Variants in ANAPC4 observed in about 807,000 individuals in gnomAD.
ANAPC4 encodes anaphase-promoting complex subunit 4.
In ANAPC4, 63 loss-of-function variants were observed where a neutral mutation model predicts 119.8. That is an observed-to-expected ratio of 0.53 (90% CI 0.43 to 0.65). ANAPC4 has a LOEUF of 0.65. Ranked by LOEUF, ANAPC4 falls within the 30% of genes least tolerant of loss-of-function variation. The probability of loss-of-function intolerance (pLI) is 0.00; values close to 1 mark genes in which losing one functional copy is unlikely to be tolerated. For synonymous variants in ANAPC4, 283 were observed against 318.6 expected (o/e 0.89, Z 1.19); for missense variants, 716 against 945.1 (o/e 0.76, Z 3.18).
chr4:25,418,387 G>GC lies in ANAPC4; in HGVS notation c.*6dup. On this transcript the variant is annotated 3_prime_UTR_variant, in exon 29 of 29. Coordinates refer to ENST00000315368, the MANE Select transcript of ANAPC4 (RefSeq NM_013367.3). ...GACCCTGAGCTAGACTCCTAATCTA[G>GC]CTTGCCATTATTGTGTGTGTAATTA... 6.2e-7 allele frequency: 1 copy of GC among 1,613,510 alleles called. No individual in the cohort carries two copies. Among genetic ancestry groups the GC allele is most frequent in the Non-Finnish European group, 8.5e-7 (1 of 1,179,620 alleles).
chr4:25,383,033 G>A (rs991828032), intron 3 of ANAPC4, among the ~76,000 whole-genome samples: 1 of 151,986 alleles, frequency 6.6e-6, no homozygotes, highest in Admixed American at 6.6e-5. Flanking sequence ...TGAGAAAGTA[G>A]TAGATCTCCT....
rs775946893 is a variant in ANAPC4 at position 25,405,672 on chromosome 4, A to G, written c.1317+53A>G. The G allele has an allele frequency of 4.9e-5, 76 of 1,563,434 alleles. No homozygotes were observed. The highest frequency in any genetic ancestry group is 6.5e-5 in the Non-Finnish European group (74 of 1,136,704). On this transcript the variant is annotated intron_variant, in intron 18 of 28. Transcript: ENST00000315368. This position sits in a 1 kb window ranked among gnomAD's most constrained non-coding sequence, Gnocchi z 4.6. ...TGTTCACATTGTCCTGCTTGAACTC[A>G]GCTGTGCTGGTCATTTTGGTACTCT...
At chr4:25,401,437 A>C (rs185195499) in intron 16 of ANAPC4, among the ~76,000 whole-genome samples, 1 of 152,270 alleles carries the variant, frequency 6.6e-6, no homozygotes, top group Non-Finnish European at 1.5e-5. Flanking sequence ...GTAGCCCCCT[A>C]GGCATTCTTC....
At chr4:25,398,850 T>C (rs1260484341) in intron 16 of ANAPC4, among the ~76,000 whole-genome samples, 4 of 151,882 alleles carry the variant, frequency 2.6e-5, no homozygotes, top group African/African-American at 4.8e-5. Context: ...TAGATAATTA[T>C]GAGTTTAGGG....
At chr4:25,412,572 C>T (rs111867785) in intron 21 of ANAPC4, among the ~76,000 whole-genome samples, 6 of 151,922 alleles carry the variant, frequency 3.9e-5, no homozygotes, top group African/African-American at 1.2e-4. Context: ...GAGACCTGAC[C>T]AACATAGTGA....
rs1184454662 is a variant in ANAPC4, at chr4:25,405,773, T to G, written c.1317+154T>G. ...AAGCACCACCTTTTTAAAAAAGAAA[T>G]TTGCATGTTTTGTGTATTGTTTCAT... On this transcript the variant is annotated intron_variant, in intron 18 of 28. Transcript: ENST00000315368. The surrounding 1 kb of genome is among the most constrained non-coding windows in gnomAD (Gnocchi z 4.6). 6.6e-6 allele frequency among the ~76,000 whole-genome samples: 1 copy of G among 152,188 alleles called. No individual in the cohort carries two copies.
chr4:25,411,023 A>G (rs1048431056), intron 21 of ANAPC4, among the ~76,000 whole-genome samples: 22 of 143,210 alleles, frequency 1.5e-4, no homozygotes, highest in African/African-American at 5.4e-4. Flanking sequence ...GAATGAATGA[A>G]TGAATGAGGG....
chr4:25,398,717 A>G (rs1045840795), intron 16 of ANAPC4, among the ~76,000 whole-genome samples: 7 of 152,158 alleles, frequency 4.6e-5, no homozygotes, highest in Admixed American at 1.3e-4. Flanking sequence ...ATAGGCAAGG[A>G]CAGAAGCCAA....
Position 25,405,993 on chromosome 4 carries a change from T to C in ANAPC4, c.1317+374T>C, listed in dbSNP as rs1226571275. Among the ~76,000 whole-genome samples the C allele has an allele frequency of 1.3e-5, 2 of 152,170 alleles. No homozygotes were observed. Among genetic ancestry groups the C allele is most frequent in the African/African-American group, 4.8e-5 (2 of 41,446 alleles). ...TTGATGTCTGGTAAGCAACAGTTTC[T>C]TTCTAAAGAAAGGAAGGAAGGATTC... On this transcript the variant is annotated intron_variant, in intron 18 of 28. Coordinates refer to ENST00000315368, the MANE Select transcript of ANAPC4 (RefSeq NM_013367.3). This position sits in a 1 kb window ranked among gnomAD's most constrained non-coding sequence, Gnocchi z 4.6.
intron 18 of ANAPC4, 81 bp from the exon 19 acceptor site, chr4:25,406,748 A>G (rs1026982620): frequency 9.3e-7 from 1 of 1,077,260 alleles, no homozygotes. Context: ...TAAAAATGTC[A>G]CATTTATAAT....
At chr4:25,403,823 A>C (rs1044141914) in intron 17 of ANAPC4, among the ~76,000 whole-genome samples, 1 of 152,210 alleles carries the variant, frequency 6.6e-6, no homozygotes, top group Non-Finnish European at 1.5e-5. Context: ...TAGAATGCAG[A>C]CCACTTACAG....
At chr4:25,396,085 CA>C (rs1221986095) in intron 14 of ANAPC4, among the ~76,000 whole-genome samples, 1 of 152,172 alleles carries the variant, frequency 6.6e-6, no homozygotes, top group East Asian at 1.9e-4. Context: ...TCTTCACATG[CA>C]TTCTTCAGCT....
intron 25 of ANAPC4, chr4:25,415,024 ACTT>A (rs1160269150): frequency 5.5e-6 from 1 of 180,464 alleles, no homozygotes; most frequent in South Asian, 1.9e-4. Context: ...AGAAGTTTTA[ACTT>A]TTTAGAAGTT....
intron 16 of ANAPC4, among the ~76,000 whole-genome samples, chr4:25,402,512 T>G (rs940502099): frequency 2.6e-5 from 4 of 152,232 alleles, no homozygotes; most frequent in Non-Finnish European, 5.9e-5. Flanking sequence ...AAAATAATGG[T>G]CCATTGATAT....
At chr4:25,382,426 AT>A (rs1243153303) in intron 3 of ANAPC4, among the ~76,000 whole-genome samples, 1 of 152,216 alleles carries the variant, frequency 6.6e-6, no homozygotes, top group East Asian at 1.9e-4. Context: ...TATGTGTAAG[AT>A]TAGAGGACTT....
intron 14 of ANAPC4, among the ~76,000 whole-genome samples, chr4:25,396,142 T>C (rs1217507645): frequency 6.6e-6 from 1 of 152,206 alleles, no homozygotes; most frequent in Non-Finnish European, 1.5e-5. Context: ...AATCCCAGAT[T>C]AGCTCAGGTT....
chr4:25,415,262 T>A (rs573796825), intron 25 of ANAPC4: 11 of 426,738 alleles, frequency 2.6e-5, no homozygotes, highest in Non-Finnish European at 4.6e-5. Flanking sequence ...AAGAAATAAT[T>A]GGGTTATTTC....
At chr4:25,379,032 CA>C (rs1721573288) in intron 2 of ANAPC4, among the ~76,000 whole-genome samples, 1 of 152,112 alleles carries the variant, frequency 6.6e-6, no homozygotes, top group African/African-American at 2.4e-5. Context: ...GTGGTAGAAT[CA>C]ATAGACTGTA....
intron 16 of ANAPC4, among the ~76,000 whole-genome samples, chr4:25,399,700 A>G (rs1314730735): frequency 6.6e-6 from 1 of 152,166 alleles, no homozygotes; most frequent in Non-Finnish European, 1.5e-5. Flanking sequence ...GCTGTCCAGC[A>G]CAGTGTTAGT....
Sources: allele counts gnomAD v4.1 joint callset (sites outside exome capture counted in the v4.1 genomes callset), GRCh38; gene constraint gnomAD v4.1.1; non-coding constraint Gnocchi (gnomAD v3.1); transcripts MANE v1.5; gene names NCBI Gene and HGNC (gene_info 2026-07-23, HGNC 2026-07-21).